MAD1L1: variants seen among roughly 807,000 people sequenced by gnomAD.
MAD1L1 encodes the protein mitotic spindle assembly checkpoint protein MAD1.
In MAD1L1, 95 loss-of-function variants were observed where a neutral mutation model predicts 96.9. The ratio of observed to expected loss-of-function variants is 0.98; its 90% CI spans 0.83 to 1.16. The LOEUF (loss-of-function observed/expected upper bound fraction) is 1.16. Among genes scored for constraint, MAD1L1 ranks in the 50% most tolerant of loss-of-function variants. The pLI is 0.00. For missense variants in MAD1L1, 1,007 were observed against 954.4 expected, an observed-to-expected ratio of 1.06 and a Z score of -0.73; for synonymous variants, 473 against 396.6, an observed-to-expected ratio of 1.19 and a Z score of -2.29.
At chr7:1,964,925 G>A (rs761815732) in intron 15 of MAD1L1, among the ~76,000 whole-genome samples, 6 of 152,196 alleles carry the variant, frequency 3.9e-5, no homozygotes, top group East Asian at 3.9e-4. Flanking sequence ...GAGGCCCAAC[G>A]GGCAGACAGC....
chr7:2,151,483 A>T (rs2062828286), intron 10 of MAD1L1, among the ~76,000 whole-genome samples: 1 of 152,220 alleles, frequency 6.6e-6, no homozygotes, highest in South Asian at 2.1e-4. Flanking sequence ...GGGTTCTCCC[A>T]GCTGGGATGG....
At position 2,119,375 on chromosome 7, in the gene MAD1L1, T is replaced by C. The variant is rs1478602697; in HGVS notation, c.1073+29777A>G. ...CTTTCTGACAGTGGCCCACATGGTT[T>C]AGGACGGGGTGAGAGTCCTCCATCT... On this transcript the variant is annotated intron_variant, in intron 11 of 18. Transcript: ENST00000265854. This position sits in a 1 kb window ranked among gnomAD's most constrained non-coding sequence, Gnocchi z 4.6. 6.6e-6 allele frequency among the ~76,000 whole-genome samples: 1 copy of C among 152,114 alleles called. No homozygotes were observed. Among genetic ancestry groups the C allele is most frequent in the Non-Finnish European group, 1.5e-5 (1 of 68,014 alleles).
At chr7:1,877,272 A>C (rs1785433841) in intron 18 of MAD1L1, among the ~76,000 whole-genome samples, 1 of 152,250 alleles carries the variant, frequency 6.6e-6, no homozygotes, top group South Asian at 2.1e-4. Context: ...ATTATGTAAC[A>C]GTTCCTTCTG....
At chr7:2,135,647 G>C (rs371192288) in intron 11 of MAD1L1, among the ~76,000 whole-genome samples, 1 of 152,322 alleles carries the variant, frequency 6.6e-6, no homozygotes, top group Admixed American at 6.5e-5. Flanking sequence ...GGCAATGTCC[G>C]GGCCTCCTGC....
chr7:1,969,588 C>G (rs1332885390), intron 15 of MAD1L1, among the ~76,000 whole-genome samples: 2 of 152,320 alleles, frequency 1.3e-5, no homozygotes, highest in African/African-American at 4.8e-5. Flanking sequence ...CTACTTCTCT[C>G]TCTTTGCAGA....
At chr7:2,149,421 C>T (rs1789462003) in intron 10 of MAD1L1, among the ~76,000 whole-genome samples, 183 bp from the exon 11 acceptor site, 1 of 152,176 alleles carries the variant, frequency 6.6e-6, no homozygotes. Flanking sequence ...TCAACCACAG[C>T]CCCCACCCCT....
intron 18 of MAD1L1, among the ~76,000 whole-genome samples, chr7:1,852,995 G>A (rs1562458960): frequency 1.3e-5 from 2 of 152,220 alleles, no homozygotes; most frequent in Admixed American, 6.5e-5. Context: ...TCACAGCGCA[G>A]GGCGGCCGAG....
intron 11 of MAD1L1, among the ~76,000 whole-genome samples, chr7:2,078,686 G>A (rs969554384): frequency 5.3e-5 from 8 of 152,220 alleles, no homozygotes; most frequent in Non-Finnish European, 1.2e-4. Flanking sequence ...ACATGACCTC[G>A]TTTAGTCTGC....
At chr7:1,951,201 G>A (rs748261932) in intron 16 of MAD1L1, among the ~76,000 whole-genome samples, 42 of 152,378 alleles carry the variant, frequency 2.8e-4, no homozygotes, top group African/African-American at 8.9e-4. Context: ...AACAGCCAGC[G>A]CCTAAACCAT....
chr7:1,938,871 C>CACACAT (rs780555843), intron 16 of MAD1L1, among the ~76,000 whole-genome samples: 1 of 117,098 alleles, frequency 8.5e-6, no homozygotes, highest in African/African-American at 3.2e-5. Flanking sequence ...CACACACACA[C>CACACAT]GGACACAGTC....
chr7:1,899,208 T>C (rs1446950247), intron 17 of MAD1L1, among the ~76,000 whole-genome samples: 2 of 152,198 alleles, frequency 1.3e-5, no homozygotes, highest in African/African-American at 4.8e-5. Flanking sequence ...TAACAGCGAT[T>C]ATCATGAATT....
At chr7:2,112,973 C>A (rs73035488) in intron 11 of MAD1L1, among the ~76,000 whole-genome samples, 4,130 of 152,284 alleles carry the variant, frequency 0.027, 98 homozygotes, top group South Asian at 0.09. Flanking sequence ...GAACCGAATC[C>A]GCAGAGCACT....
chr7:2,230,076 AG>A lies in MAD1L1; in HGVS notation c.57del (p.Phe20SerfsTer57), dbSNP rs1794117144. Reference sequence around the variant, plus strand: ...CCTCCCTCCACACGCTGAGAGATGAAGTTGTTCAAAGATCTCAGGGTGGATA... The same window carrying A: ...CCTCCCTCCACACGCTGAGAGATGAATTGTTCAAAGATCTCAGGGTGGATA... ...MVLSTLRSLN[N>X]FISQRVEGGS... On this transcript the variant is annotated frameshift_variant, in exon 3 of 19. Transcript: ENST00000265854. LOFTEE classifies it high-confidence loss of function. The A allele has an allele frequency of 2.5e-6, 4 of 1,612,216 alleles. No individual in the cohort carries two copies. Among genetic ancestry groups the A allele is most frequent in the Non-Finnish European group, 3.4e-6 (4 of 1,179,162 alleles).
intron 15 of MAD1L1, among the ~76,000 whole-genome samples, chr7:1,972,135 A>G (rs150963102): frequency 1.2e-4 from 18 of 152,304 alleles, no homozygotes; most frequent in African/African-American, 4.3e-4. Context: ...GTGATCTGTC[A>G]TATGTGTGGA....
chr7:2,001,291 G>A (rs185502733), intron 14 of MAD1L1, among the ~76,000 whole-genome samples: 5 of 152,398 alleles, frequency 3.3e-5, no homozygotes, highest in Non-Finnish European at 7.3e-5. Flanking sequence ...ACACACGCAC[G>A]CACGCATGCC....
At chr7:2,068,828 C>A (rs1474372300) in intron 12 of MAD1L1, among the ~76,000 whole-genome samples, 1 of 152,218 alleles carries the variant, frequency 6.6e-6, no homozygotes, top group Non-Finnish European at 1.5e-5. Context: ...AAGACCCACA[C>A]AGTGTAAATG....
intron 10 of MAD1L1, among the ~76,000 whole-genome samples, chr7:2,202,501 T>C (rs150151196): frequency 1.3e-5 from 2 of 152,260 alleles, no homozygotes; most frequent in East Asian, 3.9e-4. Flanking sequence ...GAGCAGCTCA[T>C]GGTGAACGAA....
intron 10 of MAD1L1, among the ~76,000 whole-genome samples, chr7:2,187,529 C>G (rs1350496687): frequency 6.6e-6 from 1 of 152,188 alleles, no homozygotes; most frequent in African/African-American, 2.4e-5. Flanking sequence ...TACTGACAGG[C>G]ACAATCACAG....
At chr7:1,982,830 C>G (rs535338981) in intron 14 of MAD1L1, among the ~76,000 whole-genome samples, 11 of 152,070 alleles carry the variant, frequency 7.2e-5, no homozygotes, top group African/African-American at 2.7e-4. Flanking sequence ...AGCACATGAC[C>G]TTTTTTTTCA....
Sources: allele counts gnomAD v4.1 joint callset (sites outside exome capture counted in the v4.1 genomes callset), GRCh38; gene constraint gnomAD v4.1.1; non-coding constraint Gnocchi (gnomAD v3.1); transcripts MANE v1.5; gene names NCBI Gene and HGNC (gene_info 2026-07-23, HGNC 2026-07-21).